The following TLK2 variants were observed in gnomAD, a reference collection of about 807,000 sequenced individuals.
TLK2 encodes serine/threonine-protein kinase tousled-like 2.
Under a neutral mutation model 117.3 loss-of-function variants are expected in TLK2, and 6 were observed. The observed-to-expected ratio is 0.05, with a 90% CI of 0.03 to 0.10. The LOEUF is 0.10. TLK2 is among the 10% of genes least tolerant of loss of function. The pLI, the probability that TLK2 is intolerant of heterozygous loss-of-function variation, is 1.00. For synonymous variants in TLK2, 257 were observed against 316.7 expected (o/e 0.81, Z 2.00); for missense variants, 299 against 901.2 (o/e 0.33, Z 8.56).
At chr17:62,578,818 G>A (rs1440046531) in intron 14 of TLK2, among the ~76,000 whole-genome samples, 5 of 152,096 alleles carry the variant, frequency 3.3e-5, no homozygotes, top group Admixed American at 1.3e-4. Flanking sequence ...ATTTTTACAT[G>A]AATAAAGATT....
intron 1 of TLK2, 49 bp from the exon 2 acceptor site, chr17:62,481,072 C>T (rs2061846090): frequency 1.3e-6 from 2 of 1,575,720 alleles, no homozygotes; most frequent in Non-Finnish European, 8.7e-7. Flanking sequence ...AAAATTGCCT[C>T]CTCACATTTT....
intron 9 of TLK2, among the ~76,000 whole-genome samples, chr17:62,558,469 T>C (rs1233288531): frequency 6.6e-6 from 1 of 152,334 alleles, no homozygotes; most frequent in Non-Finnish European, 1.5e-5. Flanking sequence ...AGCTGCCAGC[T>C]GTTACTTTAA....
intron 16 of TLK2, 40 bp from the exon 17 acceptor site, chr17:62,596,545 G>A (rs1383879735): frequency 6.8e-7 from 1 of 1,475,688 alleles, no homozygotes; most frequent in Admixed American, 1.7e-5. Context: ...TAAAAGGCAG[G>A]CCAATATACC....
chr17:62,547,232 T>C (rs2078015444), intron 7 of TLK2, among the ~76,000 whole-genome samples: 1 of 152,192 alleles, frequency 6.6e-6, no homozygotes, highest in Non-Finnish European at 1.5e-5. Flanking sequence ...TGATTAGGTA[T>C]TGTTTTTTCG....
chr17:62,489,319 A>G (rs761856891), intron 2 of TLK2, among the ~76,000 whole-genome samples: 4 of 150,852 alleles, frequency 2.7e-5, no homozygotes, highest in East Asian at 2.0e-4. Context: ...TTCTGCCTCA[A>G]CCTCCTGAGT....
intron 16 of TLK2, among the ~76,000 whole-genome samples, chr17:62,586,603 C>T (rs554018363): frequency 1.8e-3 from 280 of 152,216 alleles, no homozygotes; most frequent in Admixed American, 2.7e-3. Flanking sequence ...AGGCAGATCA[C>T]GAAGTCAGGA....
intron 2 of TLK2, among the ~76,000 whole-genome samples, chr17:62,511,673 A>G (rs2075156228): frequency 6.6e-6 from 1 of 152,228 alleles, no homozygotes; most frequent in Non-Finnish European, 1.5e-5. Context: ...CCCAGCCTAC[A>G]GCTTTCTGAG....
intron 6 of TLK2, among the ~76,000 whole-genome samples, chr17:62,531,271 T>A (rs2319054): frequency 0.33 from 50,795 of 151,748 alleles, 8,654 homozygotes; most frequent in Admixed American, 0.4. Context: ...TTTTTGTATT[T>A]TTGTTCTTCT....
At chr17:62,611,492 C>T (rs1228187192) in intron 21 of TLK2, among the ~76,000 whole-genome samples, 1 of 152,202 alleles carries the variant, frequency 6.6e-6, no homozygotes, top group Non-Finnish European at 1.5e-5. Context: ...CTTATACCGC[C>T]TGCTGTACCC....
chr17:62,538,574 G>T (rs534269107), intron 7 of TLK2, among the ~76,000 whole-genome samples: 2 of 152,276 alleles, frequency 1.3e-5, no homozygotes, highest in African/African-American at 2.4e-5. Context: ...AAAAAGTATG[G>T]TATGTAGGCT....
rs568119547 is a variant in TLK2, at chr17:62,487,784, C to T, written c.81+6578C>T. Among the ~76,000 whole-genome samples the T allele has an allele frequency of 7.9e-5, 12 of 151,094 alleles. 1 individual carries two copies. Among genetic ancestry groups the T allele is most frequent in the South Asian group, 6.3e-4 (3 of 4,748 alleles). ...GATTACAGGCATGCGCCAACACGCC[C>T]GGCTAATTTTGTATTTTTATTAGAG... On this transcript the variant is annotated intron_variant, in intron 2 of 21. Coordinates refer to ENST00000346027, the MANE Select transcript of TLK2 (RefSeq NM_006852.6).
intron 7 of TLK2, among the ~76,000 whole-genome samples, chr17:62,544,587 A>G (rs1462436257): frequency 1.3e-5 from 2 of 152,180 alleles, no homozygotes; most frequent in African/African-American, 4.8e-5. Context: ...TTATGCCAGG[A>G]CCACACTGTC....
At chr17:62,542,928 A>G (rs565327881) in intron 7 of TLK2, among the ~76,000 whole-genome samples, 3 of 152,362 alleles carry the variant, frequency 2.0e-5, no homozygotes, top group African/African-American at 7.2e-5. Context: ...TTTAAAAAAC[A>G]TGTTAACATT....
intron 7 of TLK2, among the ~76,000 whole-genome samples, chr17:62,539,102 A>G (rs545500288): frequency 2.6e-5 from 4 of 152,356 alleles, no homozygotes; most frequent in Non-Finnish European, 5.9e-5. Flanking sequence ...TATTCTGTCT[A>G]TAAATTGTTG....
At chr17:62,571,391 A>C (rs895284306) in intron 11 of TLK2, among the ~76,000 whole-genome samples, 4 of 152,204 alleles carry the variant, frequency 2.6e-5, no homozygotes, top group African/African-American at 9.7e-5. Flanking sequence ...TAAGGAAAAA[A>C]GTTTGTACAT....
In TLK2 at chr17:62,578,697, C is replaced by G. The variant is rs562484658; in HGVS notation, c.1286+123C>G. The G allele has an allele frequency of 4.2e-6, 3 of 711,500 alleles. No homozygotes were observed. The South Asian group carries it at 6.0e-5, about 14-fold the overall frequency. 44.1% of individuals were successfully genotyped at this position (711,500 alleles called of 1,614,324 possible). ...ATAAATGATTCCATGGTGTATTTAG[C>G]TCTTTTGTAGCATCTAATACAATTT... is the stretch of plus-strand genomic sequence containing the variant. On this transcript the variant is annotated intron_variant, in intron 14 of 21. Transcript: ENST00000346027.
chr17:62,505,032 CAG>C (rs1258501487), intron 2 of TLK2, among the ~76,000 whole-genome samples: 1 of 151,872 alleles, frequency 6.6e-6, no homozygotes, highest in Non-Finnish European at 1.5e-5. Context: ...TTGGTAGAGA[CAG>C]GGTGTTGCTG....
intron 9 of TLK2, among the ~76,000 whole-genome samples, chr17:62,555,787 A>G (rs1205270506): frequency 6.8e-6 from 1 of 146,568 alleles, no homozygotes; most frequent in African/African-American, 2.5e-5. Context: ...ATTATTATTA[A>G]TTTTATATAT....
At chr17:62,476,034 G>A (rs2071035779), upstream of TLK2, among the ~76,000 whole-genome samples, 1 of 151,868 alleles carries the variant, frequency 6.6e-6, no homozygotes, top group Non-Finnish European at 1.5e-5. Flanking sequence ...ATGGAGTGCA[G>A]TGGTGCCATC....
Sources: allele counts gnomAD v4.1 joint callset (sites outside exome capture counted in the v4.1 genomes callset), GRCh38; gene constraint gnomAD v4.1.1; transcripts MANE v1.5; gene names NCBI Gene and HGNC (gene_info 2026-07-23, HGNC 2026-07-21).